Variants in GLIS3 observed in about 807,000 individuals in gnomAD.
The protein encoded by GLIS3 is zinc finger protein GLIS3.
GLIS3 carries 53 observed loss-of-function variants against 78.6 expected under a neutral mutation model. The ratio of observed to expected loss-of-function variants is 0.67; its 90% CI spans 0.54 to 0.85. GLIS3 has a LOEUF of 0.85. Ranked by LOEUF, GLIS3 falls within the 40% of genes least tolerant of loss-of-function variation. The pLI, the probability that GLIS3 is intolerant of heterozygous loss-of-function variation, is 0.00. For synonymous variants in GLIS3, 684 were observed against 509.9 expected (o/e 1.34, Z -4.60); for missense variants, 1,703 against 1,231.1 (o/e 1.38, Z -5.74).
chr9:3,834,026 T>C (rs1818201578), intron 9 of GLIS3, among the ~76,000 whole-genome samples: 1 of 152,324 alleles, frequency 6.6e-6, no homozygotes, highest in Non-Finnish European at 1.5e-5. Flanking sequence ...ATTTCCATGA[T>C]TCAGAAATGG....
intron 2 of GLIS3, among the ~76,000 whole-genome samples, chr9:4,201,927 G>T (rs971121912): frequency 3.3e-5 from 5 of 152,070 alleles, no homozygotes. Flanking sequence ...CCTGAAGTCA[G>T]GCGTTCGAGA....
intron 2 of GLIS3, among the ~76,000 whole-genome samples, chr9:4,160,810 G>A (rs1383012601): frequency 1.3e-5 from 2 of 152,150 alleles, no homozygotes; most frequent in Non-Finnish European, 2.9e-5. Context: ...GCATGTAGAT[G>A]ACTTCAAAAG....
chr9:4,308,983 T>G (rs1277906536), intron 3 of GLIS3: 9 of 152,234 alleles, frequency 5.9e-5, no homozygotes, highest in Non-Finnish European at 4.4e-5. Context: ...AAAAGGAGAA[T>G]GAATATAGTC....
Position 3,879,607 on chromosome 9 carries a change from G to A in GLIS3, c.2129-12C>T, listed in dbSNP as rs1023699307. On this transcript the variant is annotated splice_polypyrimidine_tract_variant and intron_variant, in intron 7 of 10. Coordinates refer to ENST00000381971, the MANE Select transcript of GLIS3 (RefSeq NM_001042413.2). ...GGAGAAAATGGGAGCTGAAATCAAG[G>A]GAGAACAAACATGAGACCGTGCCCC... 1 of 1,613,698 alleles carries A rather than the reference G, an allele frequency of 6.2e-7. No homozygotes were observed. Among genetic ancestry groups the A allele is most frequent in the African/African-American group, 1.3e-5 (1 of 74,876 alleles).
chr9:4,295,315 T>G (rs557655252), intron 1 of GLIS3, among the ~76,000 whole-genome samples: 1 of 152,222 alleles, frequency 6.6e-6, no homozygotes, highest in African/African-American at 2.4e-5. Context: ...ATTTCACTTG[T>G]GTCTGTTTGG....
chr9:4,313,886 G>C (rs1817401091), intron 2 of GLIS3, among the ~76,000 whole-genome samples: 1 of 152,170 alleles, frequency 6.6e-6, no homozygotes, highest in African/African-American at 2.4e-5. Context: ...TGATTTACAA[G>C]GTCTTACACA....
chr9:4,225,310 A>G (rs1376755683), intron 2 of GLIS3, among the ~76,000 whole-genome samples: 3 of 152,174 alleles, frequency 2.0e-5, no homozygotes, highest in Non-Finnish European at 1.5e-5. Flanking sequence ...TGATTTTCTA[A>G]GTAGTATAGA....
At chr9:3,940,426 C>G (rs564662939) in intron 4 of GLIS3, among the ~76,000 whole-genome samples, 44 of 152,254 alleles carry the variant, frequency 2.9e-4, no homozygotes, top group African/African-American at 1.0e-3. Context: ...TCAAGTCCAT[C>G]CTGAGATCTA....
At chr9:3,858,772 C>T (rs890926796) in intron 8 of GLIS3, among the ~76,000 whole-genome samples, 2 of 151,940 alleles carry the variant, frequency 1.3e-5, no homozygotes, top group African/African-American at 2.4e-5. Context: ...AAGAAGTGAT[C>T]ACAATTATCC....
chr9:4,473,660 G>A, the GLIS3 span, among the ~76,000 whole-genome samples: 1 of 151,938 alleles, frequency 6.6e-6, no homozygotes, highest in South Asian at 2.1e-4. Context: ...GGTGGGAGGA[G>A]GGAGAGGATC....
intron 2 of GLIS3, among the ~76,000 whole-genome samples, chr9:4,128,302 T>C (rs1406812596): frequency 6.6e-6 from 1 of 152,192 alleles, no homozygotes; most frequent in Non-Finnish European, 1.5e-5. Flanking sequence ...ACATCTCCCA[T>C]CACACATGTG....
the GLIS3 span, among the ~76,000 whole-genome samples, chr9:4,405,041 T>G: frequency 1.8e-4 from 28 of 152,104 alleles, no homozygotes; most frequent in East Asian, 5.0e-3. Flanking sequence ...AAGGAGACAT[T>G]AGAACTGATA....
chr9:4,488,196 C>T, the GLIS3 span, among the ~76,000 whole-genome samples: 12 of 152,212 alleles, frequency 7.9e-5, no homozygotes, highest in Non-Finnish European at 1.5e-4. Context: ...CTTAAGCAGT[C>T]CTACCATCTC....
At chr9:3,957,722 T>C (rs138612279) in intron 4 of GLIS3, among the ~76,000 whole-genome samples, 7 of 152,328 alleles carry the variant, frequency 4.6e-5, no homozygotes, top group East Asian at 1.9e-4. Flanking sequence ...GTTTCTTTCA[T>C]TGTCATTCCC....
intron 2 of GLIS3, among the ~76,000 whole-genome samples, chr9:4,260,957 TAAAGA>T (rs1056472927): frequency 1.3e-5 from 2 of 152,198 alleles, no homozygotes; most frequent in African/African-American, 4.8e-5. Flanking sequence ...ATGTGTATAC[TAAAGA>T]AATTAAAATT....
the GLIS3 span, among the ~76,000 whole-genome samples, chr9:4,389,416 G>T: frequency 1.3e-5 from 2 of 152,278 alleles, no homozygotes; most frequent in South Asian, 2.1e-4. Flanking sequence ...GTGAGGGAAG[G>T]GGATTCATTT....
rs530786495 is a variant in GLIS3 at position 3,876,557 on chromosome 9, T to C, written c.2297+2870A>G. Among the ~76,000 whole-genome samples the C allele has an allele frequency of 5.0e-4, 71 of 142,944 alleles. 1 individual carries two copies. Among genetic ancestry groups the C allele is most frequent in the African/African-American group, 1.8e-3 (69 of 37,676 alleles). 93.8% of individuals were successfully genotyped at this position (142,944 alleles called of 152,430 possible). The stretch of plus-strand genomic sequence containing the variant: ...AGATCCCTACTGAAGTAATTAGCAG[T>C]AAAGCTCAGTGATATCTGCAACCAT... On this transcript the variant is annotated intron_variant, in intron 8 of 10. Transcript: ENST00000381971.
At position 4,286,440 on chromosome 9, in the gene GLIS3, G is replaced by C; in HGVS notation, c.-15C>G. ...CTTCCATTCATTCTGAAAAACCTGT[G>C]GCCAAGACGGTCAAATATCCAATGT... On this transcript the variant is annotated 5_prime_UTR_variant, in exon 2 of 11. Transcript: ENST00000381971. 6.2e-7 allele frequency: 1 copy of C among 1,613,368 alleles called. No individual in the cohort carries two copies.
chr9:3,953,517 G>A (rs1267975897), intron 4 of GLIS3, among the ~76,000 whole-genome samples: 1 of 152,000 alleles, frequency 6.6e-6, no homozygotes, highest in African/African-American at 2.4e-5. Context: ...TAAAGTGAGG[G>A]TTTGAGTTGT....
Sources: allele counts gnomAD v4.1 joint callset (sites outside exome capture counted in the v4.1 genomes callset), GRCh38; gene constraint gnomAD v4.1.1; transcripts MANE v1.5; gene names NCBI Gene and HGNC (gene_info 2026-07-23, HGNC 2026-07-21).